DLGAP1: variants seen among roughly 807,000 people sequenced by gnomAD.
DLGAP1 encodes the protein disks large-associated protein 1.
A neutral mutation model predicts 90.8 loss-of-function variants in DLGAP1; 11 were observed. The observed-to-expected ratio is 0.12, with a 90% CI of 0.08 to 0.20. DLGAP1 has a LOEUF of 0.20. Ranked by LOEUF, DLGAP1 falls within the 10% of genes least tolerant of loss-of-function variation. The probability of loss-of-function intolerance (pLI) is 1.00; values close to 1 mark genes in which losing one functional copy is unlikely to be tolerated. For synonymous variants in DLGAP1, 558 were observed against 540.7 expected, an observed-to-expected ratio of 1.03 and a Z score of -0.44; for missense variants, 1,050 against 1,333.8, an observed-to-expected ratio of 0.79 and a Z score of 3.31.
chr18:3,722,928 G>C (rs1028281068), intron 7 of DLGAP1, among the ~76,000 whole-genome samples: 3 of 152,164 alleles, frequency 2.0e-5, no homozygotes, highest in South Asian at 2.1e-4. Flanking sequence ...ATAATTTGTA[G>C]AGCCGGGCAC....
chr18:4,170,857 T>C (rs2077011499), intron 1 of DLGAP1, among the ~76,000 whole-genome samples: 1 of 152,144 alleles, frequency 6.6e-6, no homozygotes, highest in Non-Finnish European at 1.5e-5. Flanking sequence ...TTTACCTTTA[T>C]TTGTTTGTTT....
At chr18:4,137,719 G>C (rs2076429222) in intron 2 of DLGAP1, among the ~76,000 whole-genome samples, 2 of 152,112 alleles carry the variant, frequency 1.3e-5, no homozygotes, top group Admixed American at 1.3e-4. Flanking sequence ...GCTTTGGATA[G>C]TATGGACATT....
At chr18:4,036,231 T>C (rs912842108) in intron 2 of DLGAP1, among the ~76,000 whole-genome samples, 2 of 152,164 alleles carry the variant, frequency 1.3e-5, no homozygotes, top group African/African-American at 4.8e-5. Flanking sequence ...TTAAGCATCC[T>C]TTAAAAGCAG....
intron 1 of DLGAP1, chr18:4,295,243 TTA>T (rs1453176339): frequency 3.3e-5 from 5 of 152,178 alleles, no homozygotes; most frequent in African/African-American, 1.2e-4. Flanking sequence ...ATCTGTTTCT[TTA>T]TGTTTTCTCC....
In DLGAP1 at chr18:4,108,346, A is replaced by G. The variant is rs535257060; in HGVS notation, c.-159+42834T>C. On this transcript the variant is annotated intron_variant, in intron 2 of 12. Coordinates refer to ENST00000315677, the MANE Select transcript of DLGAP1 (RefSeq NM_004746.4). The stretch of plus-strand genomic sequence containing the variant: ...CCAATCACACTACTGTGTGACTGTC[A>G]ATACAAATACAGTTTTTCCTGGGGC... Among the ~76,000 whole-genome samples, 8 of 152,296 alleles carry G rather than the reference A, an allele frequency of 5.3e-5. 1 individual carries two copies. In the East Asian group the frequency reaches 1.5e-3, roughly 29 times the overall value.
chr18:3,877,924 CTGG>C, intron 4 of DLGAP1, among the ~76,000 whole-genome samples: 1 of 152,144 alleles, frequency 6.6e-6, no homozygotes, highest in Admixed American at 6.5e-5. Context: ...TGTCCATGTG[CTGG>C]TGGCTTCTTC....
At chr18:3,685,548 A>G (rs2060668822) in intron 7 of DLGAP1, among the ~76,000 whole-genome samples, 1 of 124,774 alleles carries the variant, frequency 8.0e-6, no homozygotes, top group Admixed American at 9.6e-5. Flanking sequence ...TGGGCGACAG[A>G]GCGAGATTCC....
intron 7 of DLGAP1, among the ~76,000 whole-genome samples, chr18:3,661,288 A>T (rs2059670852): frequency 6.6e-6 from 1 of 151,880 alleles, no homozygotes; most frequent in South Asian, 2.1e-4. Flanking sequence ...ATTCTTCCAC[A>T]CTCCTCCCAC....
Position 4,265,659 on chromosome 18 carries a change from CCCTCCCTTCCTTCCTTCCTT to C in DLGAP1, c.-266-114392_-266-114373del, listed in dbSNP as rs1568480312. On this transcript the variant is annotated intron_variant, in intron 1 of 12. Transcript: ENST00000315677. ...CCTCCCCTTCCCTCCCTCCCTCCCT[CCCTCCCTTCCTTCCTTCCTT>C]CCTTCCTTCCTTCCTTCCTTCCCTC... Among the ~76,000 whole-genome samples, 9 of 62,266 alleles carry C rather than the reference CCCTCCCTTCCTTCCTTCCTT, an allele frequency of 1.4e-4. No individual in the cohort carries two copies. The African/African-American group carries it at 1.5e-3, about 10-fold the overall frequency. 40.8% of individuals were successfully genotyped at this position (62,266 alleles called of 152,430 possible). A position where few individuals can be genotyped will look rare whatever the true frequency, so the allele number is the denominator to read the frequency against.
chr18:3,664,498 CT>C (rs1598259176), intron 7 of DLGAP1, among the ~76,000 whole-genome samples: 1 of 152,186 alleles, frequency 6.6e-6, no homozygotes, highest in Non-Finnish European at 1.5e-5. Flanking sequence ...CCACATCACC[CT>C]TTCAGTTCTA....
intron 9 of DLGAP1, among the ~76,000 whole-genome samples, chr18:3,558,905 C>T (rs2053913293): frequency 6.6e-6 from 1 of 152,148 alleles, no homozygotes; most frequent in African/African-American, 2.4e-5. Context: ...GCTGGTGGCA[C>T]CTGCAGCTAC....
At chr18:4,201,556 G>A (rs2077606758) in intron 1 of DLGAP1, among the ~76,000 whole-genome samples, 1 of 151,958 alleles carries the variant, frequency 6.6e-6, no homozygotes, top group African/African-American at 2.4e-5. Flanking sequence ...TGGGTAATGG[G>A]ATACCTCCAA....
chr18:3,592,254 A>C lies in DLGAP1; in HGVS notation c.1592-10006T>G, dbSNP rs151187546. 3.4e-3 allele frequency among the ~76,000 whole-genome samples: 522 copies of C among 152,338 alleles called. 1 individual carries two copies. The highest frequency in any genetic ancestry group is 0.012 in the African/African-American group (500 of 41,590). On this transcript the variant is annotated intron_variant, in intron 7 of 12. Coordinates refer to ENST00000315677, the MANE Select transcript of DLGAP1 (RefSeq NM_004746.4). ...ATGAGGACAAAATAACTAATAGACA[A>C]GTTTGCTGCTGCTGCTTCCAGCCAA... is the stretch of plus-strand genomic sequence containing the variant.
rs2073791074 is a variant in DLGAP1, at chr18:3,984,027, A to G, written c.-73+21089T>C. On this transcript the variant is annotated intron_variant, in intron 3 of 12. Transcript: ENST00000315677. ...GAAAAAAAGAGGCTCTTGGGGACAG[A>G]TAAAAGAAAATAAAAGATCCTCACG... 3.3e-5 allele frequency: 5 copies of G among 152,320 alleles called. No homozygotes were observed. The South Asian group carries it at 1.0e-3, about 32-fold the overall frequency. 9.4% of individuals were successfully genotyped at this position (152,320 alleles called of 1,614,324 possible). A position where few individuals can be genotyped will look rare whatever the true frequency, so the allele number is the denominator to read the frequency against.
chr18:3,499,200 C>T lies in DLGAP1; in HGVS notation c.2919G>A (p.Ala973=). The change falls in exon 13 of 13, where the codon GCG becomes GCA. Residue 973 remains alanine, a synonymous_variant. Coordinates refer to ENST00000315677, the MANE Select transcript of DLGAP1 (RefSeq NM_004746.4). This position sits in a 1 kb window ranked among gnomAD's most constrained non-coding sequence, Gnocchi z 6.4. ...TGCGGGGCGCTCAGAGCCGGGTCTGCGCCTCGGGGATGTAGATCTCGATGC... is the reference window on the plus strand; with the variant it reads ...TGCGGGGCGCTCAGAGCCGGGTCTGTGCCTCGGGGATGTAGATCTCGATGC... ...AESIEIYIPE[A]QTRL 3 of 1,586,010 alleles carry T rather than the reference C, an allele frequency of 1.9e-6. No individual in the cohort carries two copies. The highest frequency in any genetic ancestry group is 1.1e-5 in the South Asian group (1 of 88,744).
Position 4,324,384 on chromosome 18 carries a change from A to C in DLGAP1, c.-267+130622T>G, listed in dbSNP as rs938878198. On this transcript the variant is annotated intron_variant, in intron 1 of 12. Coordinates refer to ENST00000315677, the MANE Select transcript of DLGAP1 (RefSeq NM_004746.4). ...TTGAATCAGTCATAAAAAGCCTACC[A>C]ACCAAAAAAAAGCCCAAGGCCAGAT... 4.0e-5 allele frequency among the ~76,000 whole-genome samples: 6 copies of C among 151,708 alleles called. No homozygotes were observed. The South Asian group carries it at 8.3e-4, about 21-fold the overall frequency.
intron 7 of DLGAP1, among the ~76,000 whole-genome samples, chr18:3,691,387 A>G (rs889868657): frequency 6.6e-6 from 1 of 151,498 alleles, no homozygotes; most frequent in East Asian, 1.9e-4. Flanking sequence ...ACATCGCGCC[A>G]CTGCATTCCA....
chr18:3,787,169 T>C (rs1200346668), intron 5 of DLGAP1, among the ~76,000 whole-genome samples: 11 of 152,036 alleles, frequency 7.2e-5, no homozygotes, highest in African/African-American at 2.4e-4. Flanking sequence ...TTTTTGGGCA[T>C]AGATATATGG....
In DLGAP1 at chr18:3,526,242, G is replaced by A. The variant is rs2051610635; in HGVS notation, c.2479+7952C>T. Among the ~76,000 whole-genome samples the A allele has an allele frequency of 6.6e-6, 1 of 152,156 alleles. No individual in the cohort carries two copies. The highest frequency in any genetic ancestry group is 6.5e-5 in the Admixed American group (1 of 15,280). ...CCCACTTAGAAACACACACGGGCTGGAGGCAGATGAATTGCAGAACTCACA... is the reference window on the plus strand; with the variant it reads ...CCCACTTAGAAACACACACGGGCTGAAGGCAGATGAATTGCAGAACTCACA... On this transcript the variant is annotated intron_variant, in intron 10 of 12. Coordinates refer to ENST00000315677, the MANE Select transcript of DLGAP1 (RefSeq NM_004746.4). The surrounding 1 kb of genome is among the most constrained non-coding windows in gnomAD (Gnocchi z 4.7).
Sources: gnomAD v4.1 joint callset for allele counts (sites outside exome capture counted in the v4.1 genomes callset) on GRCh38, gnomAD v4.1.1 for gene constraint, Gnocchi (gnomAD v3.1) non-coding constraint, MANE v1.5 for transcripts, NCBI Gene and HGNC (gene_info 2026-07-23, HGNC 2026-07-21) for gene names.